The following CHST9 variants were observed in gnomAD, a reference collection of about 807,000 sequenced individuals.
The protein encoded by CHST9 is carbohydrate sulfotransferase 9.
A neutral mutation model predicts 44.4 loss-of-function variants in CHST9; 41 were observed. The observed-to-expected ratio is 0.92, with a 90% CI of 0.72 to 1.20. The LOEUF (loss-of-function observed/expected upper bound fraction) is 1.20, where lower values mean the gene tolerates loss of function less well. CHST9 is among the 50% of genes most tolerant of loss of function. The probability of loss-of-function intolerance (pLI) is 0.00; values close to 1 mark genes in which losing one functional copy is unlikely to be tolerated. For synonymous variants in CHST9, 171 were observed against 178.4 expected (o/e 0.96, Z 0.33); for missense variants, 504 against 516.5 (o/e 0.98, Z 0.23).
rs1159684226 is a variant in CHST9 at position 26,926,321 on chromosome 18, T to C, written c.241-8971A>G. On this transcript the variant is annotated intron_variant, in intron 5 of 5. Coordinates refer to ENST00000618847, the MANE Select transcript of CHST9 (RefSeq NM_031422.6). ...TCTTTCCATTTTTGGATTTAATTCCTATTTTTTTTCTGCTTGAAGCCAAAC... is the reference window on the plus strand; with the variant it reads ...TCTTTCCATTTTTGGATTTAATTCCCATTTTTTTTCTGCTTGAAGCCAAAC... Among the ~76,000 whole-genome samples the C allele has an allele frequency of 2.6e-5, 4 of 152,198 alleles. No homozygotes were observed. In the South Asian group the frequency reaches 6.2e-4, roughly 24 times the overall value.
At chr18:27,158,636 G>A (rs1327482858) in intron 1 of CHST9, among the ~76,000 whole-genome samples, 1 of 151,978 alleles carries the variant, frequency 6.6e-6, no homozygotes, top group African/African-American at 2.4e-5. Flanking sequence ...GGGATGGCTG[G>A]GTCAAATGGT....
chr18:27,041,941 G>C (rs540050585), intron 3 of CHST9, among the ~76,000 whole-genome samples: 1 of 152,004 alleles, frequency 6.6e-6, no homozygotes, highest in Non-Finnish European at 1.5e-5. Context: ...ATATTGTTCC[G>C]AAACCATAAA....
At chr18:26,996,030 C>A (rs1308017657) in intron 4 of CHST9, among the ~76,000 whole-genome samples, 3 of 152,140 alleles carry the variant, frequency 2.0e-5, no homozygotes, top group Admixed American at 6.5e-5. Context: ...GAGCCAGATT[C>A]TTTACTCGTT....
At chr18:27,124,225 T>C (rs9950985) in intron 2 of CHST9, among the ~76,000 whole-genome samples, 1,610 of 152,342 alleles carry the variant, frequency 0.011, 24 homozygotes, top group African/African-American at 0.034. Flanking sequence ...AGGCTCTTTA[T>C]CTTCTGGAAT....
At chr18:26,979,645 T>C (rs1241501125) in intron 4 of CHST9, among the ~76,000 whole-genome samples, 2 of 152,180 alleles carry the variant, frequency 1.3e-5, no homozygotes, top group Admixed American at 6.6e-5. Flanking sequence ...TAATTGTCTA[T>C]ATTTGTCATT....
intron 4 of CHST9, among the ~76,000 whole-genome samples, chr18:27,015,322 G>GC (rs2057138778): frequency 1.4e-5 from 1 of 70,918 alleles, no homozygotes; most frequent in Admixed American, 1.7e-4. Context: ...CAGAGAGGCA[G>GC]TTGTGTGTGT....
chr18:26,959,668 A>G (rs12326470), intron 4 of CHST9, among the ~76,000 whole-genome samples: 44,112 of 152,022 alleles, frequency 0.29, 7,587 homozygotes, highest in African/African-American at 0.49. Context: ...AAATGGTTGC[A>G]CTGAACTTAA....
chr18:26,961,537 C>T (rs73402815), intron 4 of CHST9, among the ~76,000 whole-genome samples: 34 of 152,148 alleles, frequency 2.2e-4, no homozygotes, highest in African/African-American at 8.2e-4. Context: ...TCAGACAATC[C>T]CTCCAATTCA....
At chr18:27,118,118 T>A (rs1485689957) in intron 2 of CHST9, among the ~76,000 whole-genome samples, 1 of 152,214 alleles carries the variant, frequency 6.6e-6, no homozygotes, top group African/African-American at 2.4e-5. Context: ...ACTGTTTTAA[T>A]TTGCAATTCC....
intron 2 of CHST9, among the ~76,000 whole-genome samples, chr18:27,093,648 T>C (rs545702103): frequency 6.6e-6 from 1 of 152,230 alleles, no homozygotes; most frequent in Non-Finnish European, 1.5e-5. Context: ...AGGTAGTCTG[T>C]CACGGCTTCC....
At position 26,916,941 on chromosome 18, in the gene CHST9, C is replaced by A. The variant is rs1208458706; in HGVS notation, c.650G>T (p.Cys217Phe). Reference protein sequence around the residue: ...YVEDKHKILYCEVPKAGCSNW... With the variant: ...YVEDKHKILYFEVPKAGCSNW... ...GGAACAGCCAGCCTTAGGTACCTCA[C>A]AATATAAGATTTTGTGTTTATCTTC... The change falls in exon 6 of 6, where the codon TGT becomes TTT. Residue 217 changes from cysteine to phenylalanine, a missense_variant. By Grantham distance (205) the Cys-to-Phe change is radical. Coordinates refer to ENST00000618847, the MANE Select transcript of CHST9 (RefSeq NM_031422.6). The A allele has an allele frequency of 6.2e-7, 1 of 1,613,694 alleles. No individual in the cohort carries two copies. Among genetic ancestry groups the A allele is most frequent in the African/African-American group, 1.3e-5 (1 of 74,880 alleles).
intron 2 of CHST9, among the ~76,000 whole-genome samples, chr18:27,058,689 C>T (rs2057686361): frequency 6.6e-6 from 1 of 152,140 alleles, no homozygotes; most frequent in African/African-American, 2.4e-5. Context: ...TTCCAGCCAT[C>T]CCAACCCAGG....
At chr18:27,126,591 G>A (rs1321077251) in intron 2 of CHST9, among the ~76,000 whole-genome samples, 1 of 152,112 alleles carries the variant, frequency 6.6e-6, no homozygotes, top group Non-Finnish European at 1.5e-5. Context: ...ACAGCTGGAG[G>A]TTTAGGGCAA....
At chr18:26,970,048 C>A (rs2056521924) in intron 4 of CHST9, among the ~76,000 whole-genome samples, 1 of 152,252 alleles carries the variant, frequency 6.6e-6, no homozygotes, top group Non-Finnish European at 1.5e-5. Context: ...CAGGGCGTCT[C>A]CAGCATGTTT....
At chr18:27,126,343 G>A (rs975978723) in intron 2 of CHST9, among the ~76,000 whole-genome samples, 1 of 152,156 alleles carries the variant, frequency 6.6e-6, no homozygotes, top group Non-Finnish European at 1.5e-5. Flanking sequence ...GGGATGCAAT[G>A]GTACAATGTT....
chr18:27,116,293 T>C (rs774020030), intron 2 of CHST9, among the ~76,000 whole-genome samples: 2 of 152,188 alleles, frequency 1.3e-5, no homozygotes, highest in Non-Finnish European at 2.9e-5. Context: ...TTTGAGGTTT[T>C]TATCTATGTG....
intron 1 of CHST9, among the ~76,000 whole-genome samples, chr18:27,149,571 T>C (rs1219324896): frequency 6.6e-6 from 1 of 151,194 alleles, no homozygotes; most frequent in East Asian, 1.9e-4. Context: ...ATGGGATTGC[T>C]GAAGTTGTCT....
chr18:26,926,587 CAGATAAAT>C (rs1394119931), intron 5 of CHST9, among the ~76,000 whole-genome samples: 1 of 152,156 alleles, frequency 6.6e-6, no homozygotes, highest in Non-Finnish European at 1.5e-5. Flanking sequence ...TGCAAATTTA[CAGATAAAT>C]AAATCAAGAC....
chr18:27,067,417 T>C (rs2057793739), intron 2 of CHST9, among the ~76,000 whole-genome samples: 1 of 125,860 alleles, frequency 7.9e-6, no homozygotes, highest in African/African-American at 3.1e-5. Context: ...ATTTTCATTC[T>C]CCTTAGAAAA....
Sources: allele counts gnomAD v4.1 joint callset (sites outside exome capture counted in the v4.1 genomes callset), GRCh38; gene constraint gnomAD v4.1.1; transcripts MANE v1.5; gene names NCBI Gene and HGNC (gene_info 2026-07-23, HGNC 2026-07-21).